MCUB: variants seen among roughly 807,000 people sequenced by gnomAD.
MCUB encodes the protein mitochondrial calcium uniporter dominant negative subunit beta, also known as calcium uniporter regulatory subunit MCUb, mitochondrial.
MCUB carries 46 observed loss-of-function variants against 41.4 expected under a neutral mutation model. The ratio of observed to expected loss-of-function variants is 1.11; its 90% confidence interval spans 0.88 to 1.42. MCUB has a LOEUF of 1.42. Ranked by LOEUF, MCUB falls within the 40% of genes most tolerant of loss-of-function variation. The probability of loss-of-function intolerance (pLI) is 0.00; values close to 1 mark genes in which losing one functional copy is unlikely to be tolerated. For missense variants in MCUB, 403 were observed against 404.9 expected, an observed-to-expected ratio of 1.00 and a Z score of 0.04; for synonymous variants, 148 against 148.2, an observed-to-expected ratio of 1.00 and a Z score of 0.01.
chr4:109,682,176 C>G (rs1314084844), intron 4 of MCUB, among the ~76,000 whole-genome samples: 4 of 152,220 alleles, frequency 2.6e-5, no homozygotes, highest in African/African-American at 9.6e-5. Flanking sequence ...GGAAATCCAG[C>G]TAGTTCTGTC....
intron 1 of MCUB, among the ~76,000 whole-genome samples, chr4:109,618,556 T>C (rs991185262): frequency 6.6e-6 from 1 of 152,354 alleles, no homozygotes; most frequent in South Asian, 2.1e-4. Flanking sequence ...GTTAGGACTT[T>C]TTTGTTTATT....
intron 1 of MCUB, among the ~76,000 whole-genome samples, chr4:109,598,067 T>G (rs189050856): frequency 9.6e-5 from 14 of 145,686 alleles, no homozygotes; most frequent in African/African-American, 3.6e-4. Flanking sequence ...CCTCACTTCC[T>G]AGATGGGATG....
At chr4:109,646,232 A>AT (rs1728833256) in intron 1 of MCUB, among the ~76,000 whole-genome samples, 1 of 152,224 alleles carries the variant, frequency 6.6e-6, no homozygotes, top group East Asian at 1.9e-4. Context: ...ACCCTTACAT[A>AT]ATCACAGACA....
chr4:109,595,232 C>G (rs1298272260), intron 1 of MCUB, among the ~76,000 whole-genome samples: 1 of 152,162 alleles, frequency 6.6e-6, no homozygotes, highest in South Asian at 2.1e-4. Context: ...AACAGGGAGA[C>G]GGTTGCCTTC....
intron 1 of MCUB, among the ~76,000 whole-genome samples, chr4:109,565,356 AC>A (rs1323114273): frequency 1.3e-5 from 2 of 152,136 alleles, no homozygotes; most frequent in Non-Finnish European, 2.9e-5. Context: ...CTCTGGAGAA[AC>A]CCAACTATTC....
At chr4:109,684,381 C>T (rs576406566) in intron 5 of MCUB, 62 bp from the exon 6 acceptor site, 6 of 1,368,172 alleles carry the variant, frequency 4.4e-6, no homozygotes, top group African/African-American at 1.5e-5. Flanking sequence ...TTTCATCTTG[C>T]TTTTTGTCCC....
At chr4:109,623,484 G>T (rs1411536164) in intron 1 of MCUB, among the ~76,000 whole-genome samples, 3 of 152,190 alleles carry the variant, frequency 2.0e-5, no homozygotes, top group South Asian at 2.1e-4. Context: ...GATATTGAAT[G>T]TGTCAAAGCT....
In MCUB at chr4:109,688,297, A is replaced by ACAT. The variant is rs1344321205; in HGVS notation, c.*707_*709dup. ...TAATAAGAATTGAACCTTGAAAGTA[A>ACAT]CATCTGTTATTCTATTAATGTGATT... On this transcript the variant is annotated 3_prime_UTR_variant, in exon 8 of 8. Transcript: ENST00000394650. 1.3e-4 allele frequency: 20 copies of ACAT among 152,226 alleles called. No homozygotes were observed. Among genetic ancestry groups the ACAT allele is most frequent in the African/African-American group, 4.8e-4 (20 of 41,452 alleles). The allele number at this position is 152,226 out of a possible 1,614,324, so 9.4% of individuals were successfully genotyped here. A position where few individuals can be genotyped will look rare whatever the true frequency, so the allele number is the denominator to read the frequency against.
Position 109,628,076 on chromosome 4 carries a change from C to G in MCUB, c.100-30935C>G, listed in dbSNP as rs117978155. Among the ~76,000 whole-genome samples the G allele has an allele frequency of 1.7e-3, 253 of 152,176 alleles. 10 individuals are homozygous for G. The East Asian group carries it at 0.047, about 28-fold the overall frequency. Reference sequence around the variant, plus strand: ...GGGTATAGGACAAAGAGTCCTGGGGCAGGAGCAACATTGGGTAGGATGGTC... The same window carrying G: ...GGGTATAGGACAAAGAGTCCTGGGGGAGGAGCAACATTGGGTAGGATGGTC... On this transcript the variant is annotated intron_variant, in intron 1 of 7. Transcript: ENST00000394650.
chr4:109,620,482 TA>T (rs1292731673), intron 1 of MCUB, among the ~76,000 whole-genome samples: 2 of 149,776 alleles, frequency 1.3e-5, no homozygotes, highest in Non-Finnish European at 3.0e-5. Context: ...AAGAGCCATT[TA>T]TGAAGAAACT....
intron 1 of MCUB, among the ~76,000 whole-genome samples, chr4:109,568,112 C>T (rs113970980): frequency 6.6e-6 from 1 of 152,078 alleles, no homozygotes; most frequent in Non-Finnish European, 1.5e-5. Context: ...TGCAAAGAGA[C>T]ATCATTGGCC....
chr4:109,600,490 G>A (rs1209157999), intron 1 of MCUB, among the ~76,000 whole-genome samples: 1 of 152,136 alleles, frequency 6.6e-6, no homozygotes, highest in African/African-American at 2.4e-5. Context: ...CAGTAAAATG[G>A]TAGACCATAG....
intron 1 of MCUB, among the ~76,000 whole-genome samples, chr4:109,595,429 G>C (rs1209132981): frequency 6.6e-6 from 1 of 151,802 alleles, no homozygotes; most frequent in East Asian, 1.9e-4. Context: ...GAAATATTGG[G>C]GTTATTGAAA....
chr4:109,673,907 G>A (rs755023242), intron 4 of MCUB: 50 of 776,952 alleles, frequency 6.4e-5, no homozygotes, highest in South Asian at 1.7e-4. Context: ...AAACTTATTC[G>A]AAAAGCTAAA....
chr4:109,560,563 C>A (rs943219578), intron 1 of MCUB, 127 bp downstream of exon 1: 1 of 468,544 alleles, frequency 2.1e-6, no homozygotes, highest in Non-Finnish European at 3.4e-6. Flanking sequence ...TGCCGGGCTC[C>A]GCGCGCCGGG....
intron 1 of MCUB, among the ~76,000 whole-genome samples, chr4:109,585,390 G>C (rs1727283004): frequency 1.3e-5 from 2 of 152,176 alleles, no homozygotes; most frequent in African/African-American, 4.8e-5. Flanking sequence ...GATGGGTCTT[G>C]AATCTTTATT....
chr4:109,585,163 A>C (rs1468692090), intron 1 of MCUB, among the ~76,000 whole-genome samples: 1 of 152,130 alleles, frequency 6.6e-6, no homozygotes, highest in Non-Finnish European at 1.5e-5. Context: ...TAGGATAGTT[A>C]GCTCTTCTTG....
At chr4:109,617,123 A>C (rs1299115432) in intron 1 of MCUB, among the ~76,000 whole-genome samples, 1 of 152,220 alleles carries the variant, frequency 6.6e-6, no homozygotes, top group African/African-American at 2.4e-5. Context: ...ACTGTTTTAC[A>C]TAATAATGAT....
chr4:109,563,835 C>A (rs1726697563), intron 1 of MCUB, among the ~76,000 whole-genome samples: 1 of 152,226 alleles, frequency 6.6e-6, no homozygotes, highest in Admixed American at 6.5e-5. Context: ...GATCCTCCTG[C>A]CTCAGCCTCC....
Sources: gnomAD v4.1 joint callset for allele counts (sites outside exome capture counted in the v4.1 genomes callset) on GRCh38, gnomAD v4.1.1 for gene constraint, MANE v1.5 for transcripts, NCBI Gene and HGNC (gene_info 2026-07-23, HGNC 2026-07-21) for gene names.